RSU1: variants seen among roughly 807,000 people sequenced by gnomAD.
RSU1 encodes the protein Ras suppressor protein 1.
A neutral mutation model predicts 31.1 loss-of-function variants in RSU1; 26 were observed. The observed-to-expected ratio is 0.84, with a 90% CI of 0.61 to 1.16. RSU1 has a LOEUF of 1.16. Among genes scored for constraint, RSU1 ranks in the 50% most tolerant of loss-of-function variants. The pLI, the probability that RSU1 is intolerant of heterozygous loss-of-function variation, is 0.00. For synonymous variants in RSU1, 164 were observed against 136.3 expected (o/e 1.20, Z -1.41); for missense variants, 320 against 339.1 (o/e 0.94, Z 0.44).
chr10:16,641,415 C>A (rs1834439706), intron 8 of RSU1, among the ~76,000 whole-genome samples: 1 of 151,486 alleles, frequency 6.6e-6, no homozygotes, highest in African/African-American at 2.4e-5. Context: ...TCGTATGAAC[C>A]CAAGAGGCGG....
chr10:16,648,980 C>A (rs1407220040), intron 8 of RSU1, among the ~76,000 whole-genome samples: 1 of 152,092 alleles, frequency 6.6e-6, no homozygotes, highest in Non-Finnish European at 1.5e-5. Flanking sequence ...TTTCCTCTTT[C>A]CAGTAGATAC....
chr10:16,758,143 T>C (rs551126121), intron 4 of RSU1, among the ~76,000 whole-genome samples: 23 of 150,632 alleles, frequency 1.5e-4, no homozygotes, highest in African/African-American at 4.7e-4. Context: ...GTAACAGTGG[T>C]AGGCACACCA....
At chr10:16,783,267 C>T (rs575509063) in intron 2 of RSU1, among the ~76,000 whole-genome samples, 3 of 151,676 alleles carry the variant, frequency 2.0e-5, no homozygotes, top group Admixed American at 6.6e-5. Context: ...TTTCCTTAAA[C>T]GGATAAGATA....
chr10:16,655,360 G>A (rs968725052), intron 8 of RSU1, among the ~76,000 whole-genome samples: 6 of 152,158 alleles, frequency 3.9e-5, no homozygotes, highest in African/African-American at 1.4e-4. Context: ...TAGGCTCCAG[G>A]TCAAAGCTGG....
At chr10:16,753,416 G>A (rs115585132) in intron 5 of RSU1, among the ~76,000 whole-genome samples, 1 of 152,266 alleles carries the variant, frequency 6.6e-6, no homozygotes, top group East Asian at 1.9e-4. Context: ...AGAGAATACA[G>A]CTCTGTTAAA....
chr10:16,811,555 C>A (rs970447436), intron 2 of RSU1, among the ~76,000 whole-genome samples: 2 of 152,164 alleles, frequency 1.3e-5, no homozygotes, highest in Admixed American at 6.5e-5. Context: ...AAAAAGCCAC[C>A]AGGGCCACTA....
intron 8 of RSU1, among the ~76,000 whole-genome samples, chr10:16,629,913 A>G (rs142606197): frequency 6.6e-6 from 1 of 152,130 alleles, no homozygotes; most frequent in Admixed American, 6.6e-5. Flanking sequence ...ATTAGACAAA[A>G]CTTATTTTTT....
chr10:16,801,562 G>C (rs1371511934), intron 2 of RSU1, among the ~76,000 whole-genome samples: 1 of 152,086 alleles, frequency 6.6e-6, no homozygotes, highest in Admixed American at 6.5e-5. Context: ...GACATCTATA[G>C]ACTACTCCAT....
intron 8 of RSU1, among the ~76,000 whole-genome samples, chr10:16,685,584 C>A (rs559647712): frequency 6.6e-6 from 1 of 152,182 alleles, no homozygotes; most frequent in Non-Finnish European, 1.5e-5. Context: ...GCTGTCATGG[C>A]GCTGATGGGA....
chr10:16,703,944 G>A (rs1005258248), intron 7 of RSU1, among the ~76,000 whole-genome samples: 3 of 152,110 alleles, frequency 2.0e-5, no homozygotes, highest in Non-Finnish European at 2.9e-5. Flanking sequence ...TTTTTACAGA[G>A]TGACTACAAC....
intron 2 of RSU1, among the ~76,000 whole-genome samples, chr10:16,782,964 A>G (rs773329614): frequency 6.6e-6 from 1 of 150,770 alleles, no homozygotes; most frequent in African/African-American, 2.4e-5. Flanking sequence ...AGGTTGGAGT[A>G]CAGTGGCACA....
chr10:16,724,387 G>A (rs772399931), intron 7 of RSU1, among the ~76,000 whole-genome samples: 2 of 152,206 alleles, frequency 1.3e-5, no homozygotes, highest in South Asian at 4.1e-4. Flanking sequence ...AAACTATAAT[G>A]AACATTAGCT....
chr10:16,671,331 T>G (rs1835101389), intron 8 of RSU1, among the ~76,000 whole-genome samples: 1 of 152,064 alleles, frequency 6.6e-6, no homozygotes, highest in African/African-American at 2.4e-5. Context: ...GGTGTGATCT[T>G]TTGACAATCT....
chr10:16,757,622 T>C (rs1004625506), intron 4 of RSU1, among the ~76,000 whole-genome samples: 1 of 152,326 alleles, frequency 6.6e-6, no homozygotes, highest in Non-Finnish European at 1.5e-5. Flanking sequence ...TAATGCTATG[T>C]TGAGATGAAA....
intron 2 of RSU1, among the ~76,000 whole-genome samples, chr10:16,799,910 G>C (rs1242591340): frequency 5.3e-5 from 8 of 152,178 alleles, no homozygotes; most frequent in Non-Finnish European, 1.0e-4. Flanking sequence ...GCTCACTAGA[G>C]AGATCTAAGC....
chr10:16,627,762 C>CAAAAAA (rs74962434), intron 8 of RSU1, among the ~76,000 whole-genome samples: 29 of 67,376 alleles, frequency 4.3e-4, no homozygotes, highest in African/African-American at 9.3e-4. Context: ...CATCTCAATA[C>CAAAAAA]AAAAAAAAAA....
At chr10:16,797,677 A>G (rs563180386) in intron 2 of RSU1, among the ~76,000 whole-genome samples, 67 of 152,318 alleles carry the variant, frequency 4.4e-4, no homozygotes, top group African/African-American at 1.5e-3. Flanking sequence ...ACATGACACA[A>G]AACAGAAACA....
chr10:16,664,025 T>G lies in RSU1; in HGVS notation c.731+30998A>C, dbSNP rs550782770. Among the ~76,000 whole-genome samples, 4 of 152,216 alleles carry G rather than the reference T, an allele frequency of 2.6e-5. No homozygotes were observed. In the East Asian group the frequency reaches 7.7e-4, roughly 29 times the overall value. Reference sequence around the variant, plus strand: ...ACACTCCAGGAGTCACAGAAGGGACTAGGGTTAAATATGACTCCACGAACA... The same window carrying G: ...ACACTCCAGGAGTCACAGAAGGGACGAGGGTTAAATATGACTCCACGAACA... On this transcript the variant is annotated intron_variant, in intron 8 of 8. Transcript: ENST00000345264.
intron 8 of RSU1, among the ~76,000 whole-genome samples, chr10:16,611,672 G>C (rs780427197): frequency 5.3e-5 from 8 of 152,176 alleles, no homozygotes; most frequent in African/African-American, 9.7e-5. Flanking sequence ...AGCTAATAGT[G>C]ACAGTAAACC....
Sources: gnomAD v4.1 joint callset for allele counts (sites outside exome capture counted in the v4.1 genomes callset) on GRCh38, gnomAD v4.1.1 for gene constraint, MANE v1.5 for transcripts, NCBI Gene and HGNC (gene_info 2026-07-23, HGNC 2026-07-21) for gene names.